ERBB4: variants seen among roughly 807,000 people sequenced by gnomAD.
ERBB4 encodes receptor tyrosine-protein kinase erbB-4.
ERBB4 carries 42 observed loss-of-function variants against 158.0 expected under a neutral mutation model. The ratio of observed to expected loss-of-function variants is 0.27; its 90% CI spans 0.21 to 0.34. The LOEUF is 0.34. Among genes scored for constraint, ERBB4 ranks in the 10% least tolerant of loss-of-function variants. ERBB4 has a pLI of 1.00. For missense variants in ERBB4, 1,333 were observed against 1,624.1 expected, an observed-to-expected ratio of 0.82 and a Z score of 3.08; for synonymous variants, 583 against 558.7, an observed-to-expected ratio of 1.04 and a Z score of -0.61.
chr2:212,287,286 C>A (rs915048815), intron 1 of ERBB4, among the ~76,000 whole-genome samples: 10 of 152,060 alleles, frequency 6.6e-5, no homozygotes, highest in African/African-American at 2.2e-4. Flanking sequence ...CAACACCAGC[C>A]CCAGCCAGTC....
Position 211,761,934 on chromosome 2 carries a change from G to A in ERBB4, c.557-11230C>T, listed in dbSNP as rs78365955. 4.6e-5 allele frequency among the ~76,000 whole-genome samples: 7 copies of A among 152,226 alleles called. No individual in the cohort carries two copies. In the East Asian group the frequency reaches 1.4e-3, roughly 29 times the overall value. On this transcript the variant is annotated intron_variant, in intron 4 of 27. Transcript: ENST00000342788. ...TTTCAGGCTCCATTATTTACAATTGGTGGAACTGTGGGTAAAGAACTTTAC... is the reference window on the plus strand; with the variant it reads ...TTTCAGGCTCCATTATTTACAATTGATGGAACTGTGGGTAAAGAACTTTAC...
intron 3 of ERBB4, among the ~76,000 whole-genome samples, chr2:211,876,595 T>C (rs1167712264): frequency 2.0e-5 from 3 of 152,174 alleles, no homozygotes; most frequent in Non-Finnish European, 4.4e-5. Flanking sequence ...TATGTAATGA[T>C]TGGATTCATG....
At chr2:211,875,050 A>AAAAAAAAAAAAAAC (rs66500425) in intron 3 of ERBB4, among the ~76,000 whole-genome samples, 47 of 75,878 alleles carry the variant, frequency 6.2e-4, no homozygotes, top group East Asian at 9.3e-4. Context: ...AAAAAAAAAA[A>AAAAAAAAAAAAAAC]CAAACTCAAA....
intron 3 of ERBB4, among the ~76,000 whole-genome samples, chr2:211,861,157 A>T (rs1387825492): frequency 2.0e-4 from 6 of 29,890 alleles, no homozygotes; most frequent in Non-Finnish European, 4.2e-4. Context: ...TATATATATT[A>T]AAAAAAAGTA....
intron 1 of ERBB4, among the ~76,000 whole-genome samples, chr2:212,511,855 T>C (rs976543047): frequency 2.0e-5 from 3 of 149,974 alleles, no homozygotes; most frequent in African/African-American, 7.6e-5. Context: ...AAGAATCCAT[T>C]TTGCCTTTTT....
At chr2:211,829,269 T>G (rs1318911790) in intron 3 of ERBB4, among the ~76,000 whole-genome samples, 2 of 152,190 alleles carry the variant, frequency 1.3e-5, no homozygotes, top group Non-Finnish European at 2.9e-5. Flanking sequence ...TGCGTCCATA[T>G]ATAACATACA....
chr2:211,864,559 G>A (rs187927637), intron 3 of ERBB4, among the ~76,000 whole-genome samples: 45 of 152,200 alleles, frequency 3.0e-4, no homozygotes, highest in East Asian at 1.9e-3. Flanking sequence ...TTATTATTTC[G>A]AACATAAAAT....
At chr2:211,969,930 C>T (rs112440649) in intron 2 of ERBB4, among the ~76,000 whole-genome samples, 7,346 of 151,992 alleles carry the variant, frequency 0.048, 294 homozygotes, top group African/African-American at 0.11. Flanking sequence ...CTTCTGCTAG[C>T]TTTGGGATTT....
intron 1 of ERBB4, among the ~76,000 whole-genome samples, chr2:212,516,571 CAT>C (rs1446216617): frequency 6.6e-6 from 1 of 152,024 alleles, no homozygotes; most frequent in African/African-American, 2.4e-5. Context: ...TCCCATGTCT[CAT>C]ATATATTAGA....
At chr2:212,078,719 G>A (rs559220669) in intron 2 of ERBB4, among the ~76,000 whole-genome samples, 1 of 151,704 alleles carries the variant, frequency 6.6e-6, no homozygotes, top group East Asian at 1.9e-4. Context: ...TTGCAGTTAA[G>A]AGACTATTAT....
At chr2:212,086,470 T>C (rs1230669296) in intron 2 of ERBB4, among the ~76,000 whole-genome samples, 1 of 151,994 alleles carries the variant, frequency 6.6e-6, no homozygotes, top group Non-Finnish European at 1.5e-5. Flanking sequence ...CCAAATCTTA[T>C]CTTTAAATTC....
chr2:211,817,066 G>C (rs574219569), intron 3 of ERBB4, among the ~76,000 whole-genome samples: 2 of 152,182 alleles, frequency 1.3e-5, no homozygotes, highest in African/African-American at 4.8e-5. Flanking sequence ...TAGTTTTAAT[G>C]TGAAAGTGCA....
intron 9 of ERBB4, 46 bp downstream of exon 9, chr2:211,712,004 T>G (rs1310672394): frequency 6.5e-7 from 1 of 1,539,308 alleles, no homozygotes; most frequent in Non-Finnish European, 9.0e-7. Flanking sequence ...CTCTTCAGTT[T>G]TGTCTACACT....
At chr2:212,239,620 C>T (rs909620131) in intron 1 of ERBB4, among the ~76,000 whole-genome samples, 5 of 152,156 alleles carry the variant, frequency 3.3e-5, no homozygotes, top group Admixed American at 6.5e-5. Context: ...TCTGACTGAG[C>T]TGAAATCTAT....
At chr2:211,394,769 T>A (rs2062875021) in intron 25 of ERBB4, among the ~76,000 whole-genome samples, 1 of 152,006 alleles carries the variant, frequency 6.6e-6, no homozygotes, top group African/African-American at 2.4e-5. Context: ...CTGATGAAGA[T>A]TTTTCAGGAT....
intron 3 of ERBB4, among the ~76,000 whole-genome samples, chr2:211,864,648 T>C (rs879483459): frequency 2.0e-5 from 3 of 152,190 alleles, no homozygotes; most frequent in Non-Finnish European, 2.9e-5. Flanking sequence ...TTTGAATCTC[T>C]GCCATTATGT....
At chr2:212,152,847 T>C (rs776033126) in intron 1 of ERBB4, among the ~76,000 whole-genome samples, 2 of 152,166 alleles carry the variant, frequency 1.3e-5, no homozygotes, top group African/African-American at 4.8e-5. Context: ...GGAAGAATGC[T>C]GAGTTATGAC....
At chr2:212,304,169 G>C (rs1156659208) in intron 1 of ERBB4, among the ~76,000 whole-genome samples, 1 of 151,448 alleles carries the variant, frequency 6.6e-6, no homozygotes, top group Non-Finnish European at 1.5e-5. Context: ...AGAAATTCAA[G>C]AAGAATGTGG....
chr2:211,548,967 T>C (rs2067011336), intron 20 of ERBB4, among the ~76,000 whole-genome samples: 1 of 152,142 alleles, frequency 6.6e-6, no homozygotes, highest in Non-Finnish European at 1.5e-5. Context: ...TTTTTAAAGA[T>C]TCACCAGTTC....
Sources: gnomAD v4.1 joint callset for allele counts (sites outside exome capture counted in the v4.1 genomes callset) on GRCh38, gnomAD v4.1.1 for gene constraint, MANE v1.5 for transcripts, NCBI Gene and HGNC (gene_info 2026-07-23, HGNC 2026-07-21) for gene names.